The following DDC variants were observed in gnomAD, a reference collection of about 807,000 sequenced individuals.
DDC encodes dopa decarboxylase, also known as aromatic-L-amino-acid decarboxylase.
Under a neutral mutation model 60.0 loss-of-function variants are expected in DDC, and 43 were observed. The ratio of observed to expected loss-of-function variants is 0.72; its 90% CI spans 0.56 to 0.92. The LOEUF is 0.92. DDC is among the 40% of genes least tolerant of loss of function. DDC has a pLI of 0.00. For missense variants in DDC, 573 were observed against 620.2 expected (o/e 0.92, Z 0.81); for synonymous variants, 232 against 234.6 (o/e 0.99, Z 0.10).
At chr7:50,539,651 C>T (rs1462871593) in intron 3 of DDC, among the ~76,000 whole-genome samples, 1 of 152,194 alleles carries the variant, frequency 6.6e-6, no homozygotes, top group Non-Finnish European at 1.5e-5. Flanking sequence ...GGCCCCAGAC[C>T]ATGATGTTAG....
chr7:50,480,003 T>C, intron 9 of DDC, 140 bp from the exon 10 acceptor site: 2 of 705,934 alleles, frequency 2.8e-6, no homozygotes, highest in South Asian at 3.1e-5. Flanking sequence ...CGGCCCTGTC[T>C]CTGCTCCAAG....
At chr7:50,509,009 C>A (rs1389754317) in intron 6 of DDC, among the ~76,000 whole-genome samples, 2 of 152,210 alleles carry the variant, frequency 1.3e-5, no homozygotes, top group Non-Finnish European at 2.9e-5. Context: ...TCTCTCTCAG[C>A]AACAGGCTTT....
At chr7:50,498,969 G>A (rs558125968) in intron 8 of DDC, among the ~76,000 whole-genome samples, 179 bp downstream of exon 8, 27 of 152,354 alleles carry the variant, frequency 1.8e-4, no homozygotes, top group African/African-American at 6.3e-4. Context: ...CAGGAGGACA[G>A]GCTGTATGGC....
intron 1 of DDC, among the ~76,000 whole-genome samples, chr7:50,554,707 TTCTCAG>T (rs1353822180): frequency 6.6e-6 from 1 of 152,220 alleles, no homozygotes; most frequent in African/African-American, 2.4e-5. Context: ...ACAACTGCTC[TTCTCAG>T]AGACTGTGGT....
At chr7:50,496,386 G>A (rs940487331) in intron 8 of DDC, among the ~76,000 whole-genome samples, 9 of 152,052 alleles carry the variant, frequency 5.9e-5, no homozygotes, top group Admixed American at 2.0e-4. Context: ...ACTGCACCCC[G>A]ACCAGCTCCT....
intron 9 of DDC, among the ~76,000 whole-genome samples, chr7:50,491,103 T>G (rs1259117660): frequency 6.6e-6 from 1 of 152,256 alleles, no homozygotes; most frequent in Non-Finnish European, 1.5e-5. Context: ...TTTCTTTTCC[T>G]TTTTAATCGT....
intron 6 of DDC, among the ~76,000 whole-genome samples, chr7:50,509,172 G>A (rs2043482524): frequency 6.6e-6 from 1 of 151,928 alleles, no homozygotes; most frequent in African/African-American, 2.4e-5. Context: ...CACCTCCAGG[G>A]CTGGTACGGT....
chr7:50,539,865 G>A (rs750769801), intron 3 of DDC, 50 bp downstream of exon 3: 30 of 1,445,498 alleles, frequency 2.1e-5, no homozygotes, highest in Admixed American at 5.1e-5. Context: ...CCCCACCCCG[G>A]GATCCCACCA....
At chr7:50,514,244 C>A (rs1429181066) in intron 6 of DDC, among the ~76,000 whole-genome samples, 2 of 152,198 alleles carry the variant, frequency 1.3e-5, no homozygotes, top group Non-Finnish European at 2.9e-5. Context: ...CACTGCAGTT[C>A]AGCTCACAGG....
rs143825624 is a variant in DDC, at chr7:50,508,723, C to T, written c.715-4664G>A. Among the ~76,000 whole-genome samples, 43 of 152,260 alleles carry T rather than the reference C, an allele frequency of 2.8e-4. No individual in the cohort carries two copies. In the East Asian group the frequency reaches 6.0e-3, roughly 21 times the overall value. On this transcript the variant is annotated intron_variant, in intron 6 of 14. Transcript: ENST00000444124. ...ACCATGTGGCTACATCCCAGAAGGA[C>T]GCATATAGTCATTATGCACATGCCC...
intron 13 of DDC, among the ~76,000 whole-genome samples, chr7:50,465,761 A>C (rs2042381111): frequency 6.6e-6 from 1 of 152,272 alleles, no homozygotes; most frequent in Non-Finnish European, 1.5e-5. Context: ...GAAAACTGTC[A>C]ACAAAAACAA....
At chr7:50,542,939 G>A (rs1428876330) in intron 2 of DDC, 2 of 152,270 alleles carry the variant, frequency 1.3e-5, no homozygotes, top group Non-Finnish European at 2.9e-5. Context: ...TGCCTTCACA[G>A]GGCCTTGGCA....
At chr7:50,501,997 C>A (rs564773101) in intron 7 of DDC, among the ~76,000 whole-genome samples, 3 of 152,058 alleles carry the variant, frequency 2.0e-5, no homozygotes, top group Non-Finnish European at 4.4e-5. Context: ...TCACTTGAAC[C>A]CAGGAGGCAG....
chr7:50,504,138 C>A, intron 6 of DDC, 79 bp from the exon 7 acceptor site: 1 of 1,001,446 alleles, frequency 1.0e-6, no homozygotes, highest in South Asian at 1.3e-5. Context: ...CAACTGCTGC[C>A]CCATGGTCCA....
At chr7:50,539,737 C>G in intron 3 of DDC, 178 bp downstream of exon 3, 1 of 616,740 alleles carries the variant, frequency 1.6e-6, no homozygotes, top group Non-Finnish European at 3.0e-6. Context: ...TTCTCAATCG[C>G]TACTTTCTCA....
At chr7:50,517,220 C>T (rs1256315334) in intron 6 of DDC, among the ~76,000 whole-genome samples, 1 of 152,064 alleles carries the variant, frequency 6.6e-6, no homozygotes, top group African/African-American at 2.4e-5. Flanking sequence ...AGATAATCCA[C>T]CATGATCAAG....
chr7:50,540,495 CAA>C (rs35299591), intron 2 of DDC, among the ~76,000 whole-genome samples: 1,908 of 107,832 alleles, frequency 0.018, 51 homozygotes, highest in African/African-American at 0.069. Flanking sequence ...AACAAACAAA[CAA>C]AAAAAAAAAC....
At chr7:50,525,088 G>A (rs1258858941) in intron 6 of DDC, among the ~76,000 whole-genome samples, 1 of 152,200 alleles carries the variant, frequency 6.6e-6, no homozygotes, top group Non-Finnish European at 1.5e-5. Flanking sequence ...ATCTTGAAAT[G>A]TCACATATTG....
At chr7:50,559,962 G>T (rs537215209) in intron 1 of DDC, among the ~76,000 whole-genome samples, 4 of 152,148 alleles carry the variant, frequency 2.6e-5, no homozygotes, top group South Asian at 2.1e-4. Flanking sequence ...GTGTGTAGAC[G>T]CCCACCTAGC....
Sources: gnomAD v4.1 joint callset for allele counts (sites outside exome capture counted in the v4.1 genomes callset) on GRCh38, gnomAD v4.1.1 for gene constraint, MANE v1.5 for transcripts, NCBI Gene and HGNC (gene_info 2026-07-23, HGNC 2026-07-21) for gene names.